The following CTBP2 variants were observed in gnomAD, a reference collection of about 807,000 sequenced individuals.
CTBP2 encodes the protein C-terminal binding protein 2.
In CTBP2, 30 loss-of-function variants were observed where a neutral mutation model predicts 80.3. The ratio of observed to expected loss-of-function variants is 0.37; its 90% CI spans 0.28 to 0.51. The LOEUF is 0.51. CTBP2 is among the 20% of genes least tolerant of loss of function. The pLI, the probability that CTBP2 is intolerant of heterozygous loss-of-function variation, is 0.93. For synonymous variants in CTBP2, 594 were observed against 587.4 expected, an observed-to-expected ratio of 1.01 and a Z score of -0.16; for missense variants, 1,212 against 1,375.3, an observed-to-expected ratio of 0.88 and a Z score of 1.88.
intron 4 of CTBP2, chr10:124,997,432 C>G (rs1407310855): frequency 6.1e-6 from 1 of 164,836 alleles, no homozygotes; most frequent in Non-Finnish European, 1.3e-5. Flanking sequence ...GCTGAAGACC[C>G]TCCTGGGCCT....
At chr10:125,062,995 C>G (rs1026737212) in intron 2 of CTBP2, among the ~76,000 whole-genome samples, 63 of 152,252 alleles carry the variant, frequency 4.1e-4, no homozygotes, top group African/African-American at 1.5e-3. Flanking sequence ...TTCTGGCGTT[C>G]CAGTGAGCAG....
At chr10:125,061,936 C>T (rs985762695) in intron 2 of CTBP2, among the ~76,000 whole-genome samples, 7 of 152,210 alleles carry the variant, frequency 4.6e-5, no homozygotes, top group Non-Finnish European at 1.0e-4. Flanking sequence ...TCTAAAATGA[C>T]TAAACAGAGG....
intron 4 of CTBP2, chr10:124,997,561 C>T (rs531283621): frequency 3.6e-4 from 80 of 219,436 alleles, no homozygotes; most frequent in African/African-American, 1.7e-3. Context: ...GTCCATAACC[C>T]GCGTCTCCAC....
chr10:125,133,000 CA>C (rs752746921), intron 1 of CTBP2, among the ~76,000 whole-genome samples: 16 of 152,152 alleles, frequency 1.1e-4, no homozygotes, highest in Non-Finnish European at 2.2e-4. Context: ...AGAGAAGAAT[CA>C]AAATGGATGA....
chr10:125,149,737 TGTG>T (rs1442189867), intron 1 of CTBP2, among the ~76,000 whole-genome samples: 1 of 152,248 alleles, frequency 6.6e-6, no homozygotes, highest in Non-Finnish European at 1.5e-5. Flanking sequence ...ACCTTCACCT[TGTG>T]GGGACCTTAC....
At chr10:125,117,491 C>T (rs930125017) in intron 1 of CTBP2, among the ~76,000 whole-genome samples, 15 of 152,200 alleles carry the variant, frequency 9.9e-5, no homozygotes, top group African/African-American at 2.9e-4. Context: ...ATATTAATTA[C>T]GCGCCTGGCC....
At chr10:125,119,943 A>G (rs1275434903) in intron 1 of CTBP2, among the ~76,000 whole-genome samples, 1 of 152,208 alleles carries the variant, frequency 6.6e-6, no homozygotes, top group African/African-American at 2.4e-5. Context: ...TTTAGGATGT[A>G]AGTCCCTGCG....
chr10:125,098,756 G>C (rs978911067), intron 2 of CTBP2, among the ~76,000 whole-genome samples: 10 of 123,642 alleles, frequency 8.1e-5, no homozygotes, highest in Non-Finnish European at 1.0e-4. Context: ...GAGACAGAGA[G>C]AGAGAGAGAG....
chr10:125,049,333 GGATACCACTGAGT>G (rs2135165995), intron 2 of CTBP2, among the ~76,000 whole-genome samples: 1 of 152,330 alleles, frequency 6.6e-6, no homozygotes, highest in African/African-American at 2.4e-5. Flanking sequence ...CACAGCAGCA[GGATACCACTGAGT>G]GATACAGCAC....
At chr10:125,152,263 G>A (rs1030800874) in intron 1 of CTBP2, among the ~76,000 whole-genome samples, 1 of 152,204 alleles carries the variant, frequency 6.6e-6, no homozygotes, top group African/African-American at 2.4e-5. Flanking sequence ...CCGGACGCCA[G>A]GAGGCCCGTC....
chr10:125,061,675 C>G (rs778237126), intron 2 of CTBP2, among the ~76,000 whole-genome samples: 20 of 152,160 alleles, frequency 1.3e-4, no homozygotes, highest in African/African-American at 4.8e-4. Flanking sequence ...GAGCTGGTAC[C>G]ACAGGCCAGA....
intron 1 of CTBP2, among the ~76,000 whole-genome samples, chr10:125,111,834 G>T (rs146682644): frequency 2.0e-5 from 3 of 152,320 alleles, no homozygotes; most frequent in Non-Finnish European, 2.9e-5. Context: ...GGCTGATGGG[G>T]AAGGCAGACA....
At chr10:125,132,365 T>C (rs1352611955) in intron 1 of CTBP2, among the ~76,000 whole-genome samples, 1 of 151,996 alleles carries the variant, frequency 6.6e-6, no homozygotes, top group Non-Finnish European at 1.5e-5. Flanking sequence ...AGTCCAGAGA[T>C]GTTAAAGTGC....
Position 125,026,588 on chromosome 10 carries a change from G to C in CTBP2, c.1172C>G (p.Pro391Arg). The C allele has an allele frequency of 6.5e-7, 1 of 1,528,684 alleles. No individual in the cohort carries two copies. The highest frequency in any genetic ancestry group is 2.4e-5 in the East Asian group (1 of 41,146). 94.7% of individuals were successfully genotyped at this position (1,528,684 alleles called of 1,614,324 possible). ...AGCTCGGGGGGATGCTGTCTGCAGA[G>C]GAGCCGCAGCGCCCAGAGAAGCCAA... The change falls in exon 1 of 9, where the codon CCT (proline) becomes CGT (arginine). Residue 391 changes from proline (P) to arginine (R), a missense_variant. Coordinates refer to ENST00000309035, the MANE Select transcript of CTBP2 (RefSeq NM_022802.3).
chr10:125,074,406 G>A (rs1388592000), intron 2 of CTBP2, among the ~76,000 whole-genome samples: 4 of 152,190 alleles, frequency 2.6e-5, no homozygotes, highest in African/African-American at 7.2e-5. Flanking sequence ...CCAGGCTGGA[G>A]TGCAGTGGTG....
chr10:125,045,501 G>A (rs1269101860), intron 2 of CTBP2, among the ~76,000 whole-genome samples: 2 of 152,094 alleles, frequency 1.3e-5, no homozygotes, highest in African/African-American at 4.8e-5. Flanking sequence ...ATGCCCTAAA[G>A]GTAACTAGCA....
At chr10:125,009,018 G>C (rs536838170) in intron 1 of CTBP2, among the ~76,000 whole-genome samples, 1 of 152,246 alleles carries the variant, frequency 6.6e-6, no homozygotes, top group South Asian at 2.1e-4. Context: ...TAAGTTGCTA[G>C]CCAATCGGGA....
chr10:125,038,106 G>T (rs1292379279), intron 3 of CTBP2, among the ~76,000 whole-genome samples: 2 of 152,186 alleles, frequency 1.3e-5, no homozygotes, highest in Non-Finnish European at 2.9e-5. Context: ...GAGTCACTCA[G>T]CAGAATGTCT....
intron 2 of CTBP2, among the ~76,000 whole-genome samples, chr10:125,081,377 A>G (rs932119184): frequency 8.5e-5 from 13 of 152,242 alleles, no homozygotes; most frequent in Non-Finnish European, 1.8e-4. Flanking sequence ...AGATATGATT[A>G]TCAATGTTAA....
Sources: gnomAD v4.1 joint callset for allele counts (sites outside exome capture counted in the v4.1 genomes callset) on GRCh38, gnomAD v4.1.1 for gene constraint, MANE v1.5 for transcripts, NCBI Gene and HGNC (gene_info 2026-07-23, HGNC 2026-07-21) for gene names.